Variants in PPM1H observed in about 807,000 individuals in gnomAD.
The protein encoded by PPM1H is protein phosphatase, Mg2+/Mn2+ dependent 1H, also known as protein phosphatase 1H.
In PPM1H, 27 loss-of-function variants were observed where a neutral mutation model predicts 54.9. That is an observed-to-expected ratio of 0.49 (90% CI 0.36 to 0.68). The LOEUF (loss-of-function observed/expected upper bound fraction) is 0.68, where lower values mean the gene tolerates loss of function less well. Ranked by LOEUF, PPM1H falls within the 30% of genes least tolerant of loss-of-function variation. The pLI, the probability that PPM1H is intolerant of heterozygous loss-of-function variation, is 0.00. For missense variants in PPM1H, 596 were observed against 667.8 expected, an observed-to-expected ratio of 0.89 and a Z score of 1.19; for synonymous variants, 305 against 270.8, an observed-to-expected ratio of 1.13 and a Z score of -1.24.
chr12:62,681,403 G>T (rs1030886421), intron 8 of PPM1H, among the ~76,000 whole-genome samples: 14 of 152,076 alleles, frequency 9.2e-5, no homozygotes, highest in African/African-American at 3.4e-4. Flanking sequence ...TCTCAGTCCT[G>T]CAATGACTGC....
chr12:62,907,121 T>A (rs1269224544), intron 1 of PPM1H, among the ~76,000 whole-genome samples: 1 of 152,224 alleles, frequency 6.6e-6, no homozygotes, highest in Non-Finnish European at 1.5e-5. Flanking sequence ...ATGTTTTTCT[T>A]TTTGAAAGGC....
chr12:62,837,868 C>T (rs1868550817), intron 1 of PPM1H, among the ~76,000 whole-genome samples: 1 of 152,214 alleles, frequency 6.6e-6, no homozygotes, highest in African/African-American at 2.4e-5. Context: ...ATCAGCATCC[C>T]TCTGCCTCCC....
chr12:62,789,655 G>A (rs555178444), intron 3 of PPM1H, among the ~76,000 whole-genome samples: 5 of 152,124 alleles, frequency 3.3e-5, no homozygotes, highest in East Asian at 1.9e-4. Context: ...CTCTCATATC[G>A]TCCTCAAGAC....
chr12:62,844,733 C>T lies in PPM1H; in HGVS notation c.246-12454G>A, dbSNP rs1868894162. ...AATCACATAGCACGGAGTAGGTACT[C>T]GATAAATGTTAATTGAATGAATAAA... On this transcript the variant is annotated intron_variant, in intron 1 of 9. Coordinates refer to ENST00000228705, the MANE Select transcript of PPM1H (RefSeq NM_020700.2). This position sits in a 1 kb window ranked among gnomAD's most constrained non-coding sequence, Gnocchi z 5.2. Among the ~76,000 whole-genome samples, 1 of 152,102 alleles carries T rather than the reference C, an allele frequency of 6.6e-6. No homozygotes were observed. Among genetic ancestry groups the T allele is most frequent in the South Asian group, 2.1e-4 (1 of 4,816 alleles).
At chr12:62,794,161 C>A (rs1215226593) in intron 3 of PPM1H, among the ~76,000 whole-genome samples, 1 of 152,206 alleles carries the variant, frequency 6.6e-6, no homozygotes, top group Non-Finnish European at 1.5e-5. Flanking sequence ...ACTATTGCCA[C>A]CTGCCGGCTG....
At chr12:62,917,594 C>T (rs1057310351) in intron 1 of PPM1H, among the ~76,000 whole-genome samples, 1 of 152,212 alleles carries the variant, frequency 6.6e-6, no homozygotes, top group African/African-American at 2.4e-5. Context: ...GCATATCCCC[C>T]TTCCAGGCAA....
At chr12:62,851,801 A>T (rs2120934908) in intron 1 of PPM1H, among the ~76,000 whole-genome samples, 1 of 152,320 alleles carries the variant, frequency 6.6e-6, no homozygotes, top group South Asian at 2.1e-4. Flanking sequence ...AAAGGAGAGA[A>T]ATTAAACACT....
At chr12:62,911,642 G>C (rs775135540) in intron 1 of PPM1H, among the ~76,000 whole-genome samples, 7 of 152,214 alleles carry the variant, frequency 4.6e-5, no homozygotes, top group African/African-American at 7.2e-5. Flanking sequence ...TGGGTTGGCT[G>C]ATTCCTGCTA....
intron 1 of PPM1H, among the ~76,000 whole-genome samples, chr12:62,871,567 G>A (rs549401542): frequency 1.3e-5 from 2 of 148,934 alleles, no homozygotes; most frequent in Non-Finnish European, 3.0e-5. Flanking sequence ...CATGCTGGAG[G>A]GTACTGGTGC....
intron 1 of PPM1H, among the ~76,000 whole-genome samples, chr12:62,901,925 G>A (rs891855589): frequency 6.6e-6 from 1 of 152,262 alleles, no homozygotes; most frequent in East Asian, 1.9e-4. Context: ...TCTGACATTA[G>A]CTTCTAAGAT....
chr12:62,866,414 G>A (rs1869777533), intron 1 of PPM1H, among the ~76,000 whole-genome samples: 1 of 152,186 alleles, frequency 6.6e-6, no homozygotes, highest in African/African-American at 2.4e-5. Context: ...AAGACTTAAT[G>A]ACTTGCATCT....
rs1300988120 is a variant in PPM1H, at chr12:62,756,702, G to T, written c.870-19116C>A. Reference sequence around the variant, plus strand: ...CTGAGAAATACAAGGAAAAAGTAGGGGAGGGGAAAAGAAGGAGGGCACTGA... The same window carrying T: ...CTGAGAAATACAAGGAAAAAGTAGGTGAGGGGAAAAGAAGGAGGGCACTGA... On this transcript the variant is annotated intron_variant, in intron 4 of 9. Coordinates refer to ENST00000228705, the MANE Select transcript of PPM1H (RefSeq NM_020700.2). 2.6e-5 allele frequency among the ~76,000 whole-genome samples: 4 copies of T among 151,870 alleles called. No homozygotes were observed. The South Asian group carries it at 8.4e-4, about 32-fold the overall frequency.
chr12:62,803,760 T>A (rs540290540), intron 2 of PPM1H, among the ~76,000 whole-genome samples: 6 of 152,184 alleles, frequency 3.9e-5, no homozygotes, highest in Non-Finnish European at 8.8e-5. Context: ...AACCAAAAGG[T>A]AGGTAGCCTA....
chr12:62,886,501 C>A (rs1870594572), intron 1 of PPM1H, among the ~76,000 whole-genome samples: 1 of 152,122 alleles, frequency 6.6e-6, no homozygotes, highest in African/African-American at 2.4e-5. Context: ...GCACTGAAAG[C>A]ATCTAGTCAC....
chr12:62,871,769 G>A (rs914012041), intron 1 of PPM1H, among the ~76,000 whole-genome samples: 5 of 151,968 alleles, frequency 3.3e-5, no homozygotes, highest in African/African-American at 9.7e-5. Flanking sequence ...GCCCTCCTTG[G>A]CCTCCCAAAG....
chr12:62,905,452 G>T (rs1350197940), intron 1 of PPM1H, among the ~76,000 whole-genome samples: 1 of 152,098 alleles, frequency 6.6e-6, no homozygotes, highest in East Asian at 1.9e-4. Context: ...ATCTAAATGT[G>T]AAAGACATGA....
At chr12:62,855,071 C>G (rs1411134983) in intron 1 of PPM1H, among the ~76,000 whole-genome samples, 1 of 152,026 alleles carries the variant, frequency 6.6e-6, no homozygotes, top group Admixed American at 6.6e-5. Context: ...TTAGAATGCT[C>G]TTGAAAAATT....
intron 7 of PPM1H, 26 bp downstream of exon 7, chr12:62,693,909 CT>C: frequency 6.2e-7 from 1 of 1,600,904 alleles, no homozygotes; most frequent in Non-Finnish European, 8.5e-7. Context: ...CCTGTCCTCT[CT>C]ACCCAGGGGA....
At chr12:62,771,084 ACAC>A (rs1182357168) in intron 4 of PPM1H, among the ~76,000 whole-genome samples, 5 of 148,172 alleles carry the variant, frequency 3.4e-5, no homozygotes, top group East Asian at 4.0e-4. Flanking sequence ...ACACACACAC[ACAC>A]AACTGTGTTT....
Sources: gnomAD v4.1 joint callset for allele counts (sites outside exome capture counted in the v4.1 genomes callset) on GRCh38, gnomAD v4.1.1 for gene constraint, Gnocchi (gnomAD v3.1) non-coding constraint, MANE v1.5 for transcripts, NCBI Gene and HGNC (gene_info 2026-07-23, HGNC 2026-07-21) for gene names.